Variants in POLA1 observed in about 807,000 individuals in gnomAD.
POLA1 encodes DNA polymerase alpha catalytic subunit.
POLA1 carries 15 observed loss-of-function variants against 124.0 expected under a neutral mutation model. The ratio of observed to expected loss-of-function variants is 0.12; its 90% CI spans 0.08 to 0.19. The LOEUF (loss-of-function observed/expected upper bound fraction) is 0.19, where lower values mean the gene tolerates loss of function less well. Ranked by LOEUF, POLA1 falls within the 10% of genes least tolerant of loss-of-function variation. POLA1 has a pLI of 1.00. For missense variants in POLA1, 886 were observed against 1,103.4 expected (o/e 0.80, Z 2.79); for synonymous variants, 408 against 389.4 (o/e 1.05, Z -0.56).
chrX:24,698,123 G>A (rs1167798076), intron 1 of POLA1, among the ~76,000 whole-genome samples: 1 of 109,946 alleles, frequency 9.1e-6, no homozygotes, highest in East Asian at 2.8e-4. Context: ...TGTATTTTTA[G>A]TAGAGTTGGG....
intron 26 of POLA1, among the ~76,000 whole-genome samples, chrX:24,759,095 C>T (rs1214737749): frequency 9.0e-6 from 1 of 111,707 alleles, no homozygotes; most frequent in Non-Finnish European, 1.9e-5. Context: ...AGATATGGTC[C>T]TGGGGTTGTG....
chrX:24,857,607 C>CAT (rs1286975591), intron 34 of POLA1, among the ~76,000 whole-genome samples: 1 of 111,286 alleles, frequency 9.0e-6, no homozygotes, highest in Non-Finnish European at 1.9e-5. Context: ...GGGTCCTGTA[C>CAT]ATGTTTTGTT....
intron 23 of POLA1, among the ~76,000 whole-genome samples, chrX:24,744,164 A>G (rs781639440): frequency 2.7e-5 from 3 of 112,963 alleles, no homozygotes; most frequent in African/African-American, 9.6e-5. Context: ...TGTGAATTTT[A>G]TCTAATAAGT....
At chrX:24,791,010 T>C (rs2045484555) in intron 26 of POLA1, among the ~76,000 whole-genome samples, 1 of 106,888 alleles carries the variant, frequency 9.4e-6, no homozygotes, top group Admixed American at 1.0e-4. Context: ...TCTAACACAG[T>C]TGCACATTTC....
At chrX:24,900,783 G>A (rs2047268464) in intron 35 of POLA1, among the ~76,000 whole-genome samples, 2 of 111,633 alleles carry the variant, frequency 1.8e-5, no homozygotes, top group African/African-American at 6.5e-5. Flanking sequence ...GTACTGAATG[G>A]TGGAAACTGA....
chrX:24,924,116 G>A (rs2047658593), intron 35 of POLA1, among the ~76,000 whole-genome samples: 1 of 111,830 alleles, frequency 8.9e-6, no homozygotes, highest in African/African-American at 3.3e-5. Flanking sequence ...GAGAACCTGT[G>A]GCTGGCATGG....
chrX:24,755,717 G>GT (rs984534310), intron 26 of POLA1, among the ~76,000 whole-genome samples: 3 of 111,685 alleles, frequency 2.7e-5, no homozygotes, highest in Admixed American at 1.9e-4. Context: ...CACTATGTGG[G>GT]TTTTTTTCCC....
chrX:24,954,790 G>C (rs2147252092), intron 36 of POLA1, among the ~76,000 whole-genome samples: 1 of 111,905 alleles, frequency 8.9e-6, no homozygotes, highest in African/African-American at 3.2e-5. Flanking sequence ...CTTAAATCGA[G>C]AAAGTGCCAG....
chrX:24,803,170 G>C (rs1569317674), intron 26 of POLA1, among the ~76,000 whole-genome samples: 11 of 111,438 alleles, frequency 9.9e-5, no homozygotes, highest in Admixed American at 9.5e-5. Context: ...TGTGTGCCTG[G>C]ATAGAGAAAA....
intron 36 of POLA1, among the ~76,000 whole-genome samples, chrX:24,972,852 C>T (rs2048319688): frequency 8.9e-6 from 1 of 112,564 alleles, no homozygotes; most frequent in Non-Finnish European, 1.9e-5. Context: ...GGATAAGTTC[C>T]ACTTTTTTTC....
intron 26 of POLA1, among the ~76,000 whole-genome samples, chrX:24,749,774 T>A (rs962815749): frequency 8.9e-6 from 1 of 112,454 alleles, no homozygotes; most frequent in Non-Finnish European, 1.9e-5. Context: ...TTGAGAGTTA[T>A]TGGCTTTAAT....
chrX:24,788,784 T>A (rs1378416465), intron 26 of POLA1: 1 of 1,200,320 alleles, frequency 8.3e-7, no homozygotes. Context: ...TCATCATCTT[T>A]ACTATCTGTA....
rs2045506343 is a variant in POLA1 at position 24,791,944 on chromosome X, T to C, written c.2965-17954T>C. Among the ~76,000 whole-genome samples, 3 of 112,102 alleles carry C rather than the reference T, an allele frequency of 2.7e-5. No homozygotes were observed. The Admixed American group carries it at 2.8e-4, about 11-fold the overall frequency. ...AGAGTGTTTCTTGTGATAATCATTA[T>C]AGTTAAGATTTATTGAATGTTTACT... On this transcript the variant is annotated intron_variant, in intron 26 of 36. Coordinates refer to ENST00000379068, the MANE Select transcript of POLA1 (RefSeq NM_001330360.2).
intron 35 of POLA1, among the ~76,000 whole-genome samples, chrX:24,928,996 C>A (rs2047734291): frequency 9.0e-6 from 1 of 111,703 alleles, no homozygotes; most frequent in Non-Finnish European, 1.9e-5. Flanking sequence ...TTTGTTCCTG[C>A]TACCGAATAT....
chrX:24,765,301 T>G lies in POLA1; in HGVS notation c.2964+16309T>G, dbSNP rs1361549895. On this transcript the variant is annotated intron_variant, in intron 26 of 36. Transcript: ENST00000379068. Reference sequence around the variant, plus strand: ...GCGTGGTGTTTTTTTTGTTTTTTTTTTTGTTTTTTTTTTTGAGACAGAGTC... The same window carrying G: ...GCGTGGTGTTTTTTTTGTTTTTTTTGTTGTTTTTTTTTTTGAGACAGAGTC... Among the ~76,000 whole-genome samples, 10 of 108,380 alleles carry G rather than the reference T, an allele frequency of 9.2e-5. No individual in the cohort carries two copies. The East Asian group carries it at 2.9e-3, about 31-fold the overall frequency. The allele number at this position is 108,380 out of a possible 115,157, so 94.1% of individuals were successfully genotyped here.
At chrX:24,878,616 G>A (rs1463478935) in intron 34 of POLA1, among the ~76,000 whole-genome samples, 3 of 110,103 alleles carry the variant, frequency 2.7e-5, no homozygotes, top group African/African-American at 9.9e-5. Context: ...GTGCATTTTA[G>A]TGAATGGCTT....
intron 36 of POLA1, among the ~76,000 whole-genome samples, chrX:24,951,343 A>ACAC (rs1720983094): frequency 2.4e-5 from 1 of 40,937 alleles, no homozygotes; most frequent in East Asian, 2.0e-3. Flanking sequence ...ACACCTCCCT[A>ACAC]CCCCCCCCCC....
rs369954213 is a variant in POLA1, at chrX:24,739,677, C to G, written c.2216+127C>G. ...TGTAGAGGGGAAATTGTCTCTACTA[C>G]TTTCATAATTTGAACTAGTTTACCT... On this transcript the variant is annotated intron_variant, in intron 20 of 36. Transcript: ENST00000379068. 398 of 416,393 alleles carry G rather than the reference C, an allele frequency of 9.6e-4. 3 individuals carry two copies. The highest frequency in any genetic ancestry group is 9.5e-3 in the African/African-American group (360 of 38,049). 34.3% of individuals were successfully genotyped at this position (416,393 alleles called of 1,213,427 possible). A position where few individuals can be genotyped will look rare whatever the true frequency, so the allele number is the denominator to read the frequency against.
chrX:24,972,270 C>T (rs1027247140), intron 36 of POLA1, among the ~76,000 whole-genome samples: 11 of 112,038 alleles, frequency 9.8e-5, no homozygotes, highest in African/African-American at 1.6e-4. Flanking sequence ...CGGGCCTGGC[C>T]GGAGGATTTA....
Sources: gnomAD v4.1 joint callset for allele counts (sites outside exome capture counted in the v4.1 genomes callset) on GRCh38, gnomAD v4.1.1 for gene constraint, MANE v1.5 for transcripts, NCBI Gene and HGNC (gene_info 2026-07-23, HGNC 2026-07-21) for gene names.